Variants in CGGBP1 observed in about 807,000 individuals in gnomAD.
The protein encoded by CGGBP1 is CGG triplet repeat binding protein 1.
In CGGBP1, 4 loss-of-function variants were observed where a neutral mutation model predicts 11.4. The observed-to-expected ratio is 0.35, with a 90% CI of 0.17 to 0.80. The LOEUF is 0.80. CGGBP1 is among the 30% of genes least tolerant of loss of function. The probability of loss-of-function intolerance (pLI) is 0.52; values close to 1 mark genes in which losing one functional copy is unlikely to be tolerated. For synonymous variants in CGGBP1, 76 were observed against 74.1 expected, an observed-to-expected ratio of 1.03 and a Z score of -0.13; for missense variants, 135 against 202.1, an observed-to-expected ratio of 0.67 and a Z score of 2.01.
At chr3:88,062,523 C>T (rs1706942523), upstream of CGGBP1, among the ~76,000 whole-genome samples, 1 of 152,188 alleles carries the variant, frequency 6.6e-6, no homozygotes, top group Admixed American at 6.5e-5. Context: ...CTGTTATTGT[C>T]TGACTTGTTA....
chr3:88,116,042 C>G (rs1705369103), intron 2 of CGGBP1, among the ~76,000 whole-genome samples: 1 of 152,088 alleles, frequency 6.6e-6, no homozygotes, highest in South Asian at 2.1e-4. Context: ...AGAACTTCCA[C>G]TGGTATCCAG....
At chr3:88,096,170 A>G (rs1274730085) in intron 2 of CGGBP1, among the ~76,000 whole-genome samples, 2 of 152,052 alleles carry the variant, frequency 1.3e-5, no homozygotes, top group South Asian at 2.1e-4. Context: ...ATAATTAAGT[A>G]GAAGGAACTT....
chr3:88,132,891 C>T (rs945766409), intron 2 of CGGBP1, among the ~76,000 whole-genome samples: 9 of 152,164 alleles, frequency 5.9e-5, no homozygotes, highest in African/African-American at 2.2e-4. Context: ...GTGATAGCAT[C>T]TGTGCCTAAA....
intron 2 of CGGBP1, among the ~76,000 whole-genome samples, chr3:88,065,210 A>C (rs938524074): frequency 2.0e-5 from 3 of 152,210 alleles, no homozygotes; most frequent in African/African-American, 7.2e-5. Context: ...CGTTTATTAT[A>C]ATTAGGAAAA....
intron 2 of CGGBP1, among the ~76,000 whole-genome samples, chr3:88,084,483 T>A (rs1369968564): frequency 1.3e-5 from 2 of 152,236 alleles, no homozygotes; most frequent in African/African-American, 4.8e-5. Context: ...TCTGTAGTGA[T>A]GACCGCATAG....
chr3:88,138,257 C>T (rs1706918724), intron 2 of CGGBP1, among the ~76,000 whole-genome samples: 2 of 152,018 alleles, frequency 1.3e-5, no homozygotes, highest in Non-Finnish European at 2.9e-5. Flanking sequence ...TAAAAGTTCC[C>T]ATAAGCAGTT....
chr3:88,084,186 A>T (rs1708226306), intron 2 of CGGBP1, among the ~76,000 whole-genome samples: 1 of 152,180 alleles, frequency 6.6e-6, no homozygotes, highest in African/African-American at 2.4e-5. Flanking sequence ...TTGGTAGCCA[A>T]ACCTGGATGA....
chr3:88,116,277 T>C (rs942190983), intron 2 of CGGBP1, among the ~76,000 whole-genome samples: 1 of 152,034 alleles, frequency 6.6e-6, no homozygotes. Context: ...TCCCAGCACT[T>C]TGGGAGGCCG....
At chr3:88,062,366 C>G (rs1706932294), upstream of CGGBP1, among the ~76,000 whole-genome samples, 1 of 151,986 alleles carries the variant, frequency 6.6e-6, no homozygotes, top group South Asian at 2.1e-4. Context: ...AGTAAATCCT[C>G]AATTATAGAG....
At chr3:88,118,860 G>C (rs142855922) in intron 2 of CGGBP1, among the ~76,000 whole-genome samples, 4,411 of 151,798 alleles carry the variant, frequency 0.029, 199 homozygotes, top group African/African-American at 0.096. Context: ...AGTTAGAATG[G>C]CAATCATTAA....
chr3:88,103,166 A>T (rs1464964850), intron 2 of CGGBP1, among the ~76,000 whole-genome samples: 3 of 151,652 alleles, frequency 2.0e-5, no homozygotes, highest in East Asian at 1.9e-4. Context: ...TTACAGACAC[A>T]TTTTTTTTTA....
intron 2 of CGGBP1, among the ~76,000 whole-genome samples, chr3:88,066,615 G>C (rs1303736651): frequency 6.6e-6 from 1 of 151,734 alleles, no homozygotes; most frequent in Non-Finnish European, 1.5e-5. Context: ...TAATTTTGTA[G>C]ATAAAATGGC....
upstream of CGGBP1, among the ~76,000 whole-genome samples, chr3:88,060,851 G>C (rs1656680304): frequency 6.6e-6 from 1 of 151,992 alleles, no homozygotes; most frequent in Admixed American, 6.5e-5. Flanking sequence ...AGCATTGAAA[G>C]AAAAAGGATG....
Position 88,119,112 on chromosome 3 carries a change from A to T in CGGBP1, c.-229+21858T>A, listed in dbSNP as rs1450209189. On this transcript the variant is annotated intron_variant, in intron 2 of 3. Coordinates refer to the CGGBP1 transcript ENST00000462901. ...TATGTTTACTGCGGCATTATTCACA[A>T]TAGCAAAGACTTGGAACCAACCCAA... 2.7e-5 allele frequency among the ~76,000 whole-genome samples: 4 copies of T among 149,182 alleles called. No individual in the cohort carries two copies. The South Asian group carries it at 8.6e-4, about 32-fold the overall frequency.
At chr3:88,139,506 G>A (rs1343651816) in intron 2 of CGGBP1, 6 of 1,613,542 alleles carry the variant, frequency 3.7e-6, no homozygotes, top group Admixed American at 1.7e-5. Flanking sequence ...TGATCAGGAA[G>A]TCACTGCTTT....
chr3:88,077,911 C>G (rs1313197913), intron 2 of CGGBP1, among the ~76,000 whole-genome samples: 1 of 152,090 alleles, frequency 6.6e-6, no homozygotes, highest in Non-Finnish European at 1.5e-5. Flanking sequence ...TCATGAGTCA[C>G]CAAAGCCCCT....
At position 88,055,435 on chromosome 3, in the gene CGGBP1, C is replaced by T. The variant is rs749150237; in HGVS notation, c.*38G>A. 6 of 1,476,718 alleles carry T rather than the reference C, an allele frequency of 4.1e-6. No individual in the cohort carries two copies. Among genetic ancestry groups the T allele is most frequent in the Non-Finnish European group, 5.4e-6 (6 of 1,104,910 alleles). The allele number at this position is 1,476,718 out of a possible 1,614,324, so 91.5% of individuals were successfully genotyped here. On this transcript the variant is annotated 3_prime_UTR_variant, in exon 4 of 4. Coordinates refer to ENST00000482016, the MANE Select transcript of CGGBP1 (RefSeq NM_001008390.2). The surrounding 1 kb of genome is among the most constrained non-coding windows in gnomAD (Gnocchi z 4.2). Reference sequence around the variant, plus strand: ...ACAATCAACACATAACTTTAATACTCCACATTTATCTTGATCACAATGGTG... The same window carrying T: ...ACAATCAACACATAACTTTAATACTTCACATTTATCTTGATCACAATGGTG...
At chr3:88,117,234 T>C (rs1403063301) in intron 2 of CGGBP1, among the ~76,000 whole-genome samples, 1 of 152,186 alleles carries the variant, frequency 6.6e-6, no homozygotes, top group Non-Finnish European at 1.5e-5. Flanking sequence ...AACTCATAAT[T>C]ACTTACAGAC....
chr3:88,087,731 A>G (rs1432863701), intron 2 of CGGBP1, among the ~76,000 whole-genome samples: 1 of 152,216 alleles, frequency 6.6e-6, no homozygotes, highest in Non-Finnish European at 1.5e-5. Context: ...CTCATAGGAT[A>G]AGTATTATTA....
Sources: allele counts gnomAD v4.1 joint callset (sites outside exome capture counted in the v4.1 genomes callset), GRCh38; gene constraint gnomAD v4.1.1; non-coding constraint Gnocchi (gnomAD v3.1); transcripts MANE v1.5; gene names NCBI Gene and HGNC (gene_info 2026-07-23, HGNC 2026-07-21).